ARL6: variants seen among roughly 807,000 people sequenced by gnomAD.
ARL6 encodes ADP-ribosylation factor-like protein 6.
ARL6 carries 18 observed loss-of-function variants against 27.1 expected under a neutral mutation model. The ratio of observed to expected loss-of-function variants is 0.66; its 90% CI spans 0.46 to 0.98. ARL6 has a LOEUF of 0.98. ARL6 is among the 50% of genes least tolerant of loss of function. The pLI is 0.00. For missense variants in ARL6, 187 were observed against 214.9 expected, an observed-to-expected ratio of 0.87 and a Z score of 0.81; for synonymous variants, 65 against 72.3, an observed-to-expected ratio of 0.90 and a Z score of 0.51.
chr3:97,773,928 C>T (rs1367832165), intron 2 of ARL6, among the ~76,000 whole-genome samples: 1 of 152,074 alleles, frequency 6.6e-6, no homozygotes, highest in African/African-American at 2.4e-5. Flanking sequence ...GTGGAGTGAC[C>T]CAAACCTTCA....
intron 2 of ARL6, among the ~76,000 whole-genome samples, chr3:97,779,243 G>A (rs2037060673): frequency 6.6e-6 from 1 of 152,088 alleles, no homozygotes; most frequent in Admixed American, 6.5e-5. Flanking sequence ...TCAGTGGCAA[G>A]TTCCTTCCTT....
At position 97,776,200 on chromosome 3, in the gene ARL6, C is replaced by T. The variant is rs2036891338; in HGVS notation, c.124-3959C>T. On this transcript the variant is annotated intron_variant, in intron 2 of 7. Coordinates refer to ENST00000463745, the MANE Select transcript of ARL6 (RefSeq NM_001278293.3). The stretch of plus-strand genomic sequence containing the variant: ...TTCCTCATATAGTGATTTACTTTGT[C>T]TCTTTTTATAGTCTTTGACTTGTAA... Among the ~76,000 whole-genome samples the T allele has an allele frequency of 6.6e-5, 10 of 152,194 alleles. No individual in the cohort carries two copies. The South Asian group carries it at 2.1e-3, about 32-fold the overall frequency.
chr3:97,765,214 GT>G (rs2036319453), intron 1 of ARL6, among the ~76,000 whole-genome samples: 484 of 24,024 alleles, frequency 0.02, 3 homozygotes, highest in African/African-American at 0.08. Context: ...TATTGGGGGT[GT>G]GTGTGTGTGT....
chr3:97,769,473 A>G (rs1300785788), intron 2 of ARL6, among the ~76,000 whole-genome samples: 1 of 152,080 alleles, frequency 6.6e-6, no homozygotes, highest in Non-Finnish European at 1.5e-5. Context: ...CATGCATACA[A>G]TGCATAATAA....
intron 2 of ARL6, among the ~76,000 whole-genome samples, chr3:97,769,759 TC>T (rs1404286985): frequency 2.6e-5 from 4 of 152,040 alleles, no homozygotes; most frequent in Admixed American, 2.6e-4. Flanking sequence ...CTTTTTCAGA[TC>T]CCACAAACAA....
intron 7 of ARL6, among the ~76,000 whole-genome samples, chr3:97,792,177 A>C (rs552097874): frequency 6.6e-6 from 1 of 152,336 alleles, no homozygotes; most frequent in South Asian, 2.1e-4. Flanking sequence ...ACTAAAAATA[A>C]GTCTGAATGA....
At chr3:97,788,348 T>C (rs78402689) in intron 6 of ARL6, among the ~76,000 whole-genome samples, 1,820 of 152,264 alleles carry the variant, frequency 0.012, 25 homozygotes, top group African/African-American at 0.041. Context: ...ACTCTTATAA[T>C]GGAATAACTT....
At chr3:97,773,974 G>A (rs1043053663) in intron 2 of ARL6, among the ~76,000 whole-genome samples, 1 of 152,212 alleles carries the variant, frequency 6.6e-6, no homozygotes, top group Non-Finnish European at 1.5e-5. Flanking sequence ...AGTCCTGCCA[G>A]ATTGGGCTGT....
At chr3:97,783,534 T>A (rs2037303447) in intron 4 of ARL6, among the ~76,000 whole-genome samples, 1 of 151,832 alleles carries the variant, frequency 6.6e-6, no homozygotes, top group Non-Finnish European at 1.5e-5. Context: ...TCGTGATTCC[T>A]TAGAATGAAT....
intron 2 of ARL6, among the ~76,000 whole-genome samples, chr3:97,770,092 T>G (rs2036568507): frequency 6.6e-6 from 1 of 152,082 alleles, no homozygotes; most frequent in Admixed American, 6.6e-5. Context: ...ATTTTTAGTT[T>G]CATGCGGAAA....
chr3:97,784,190 C>T (rs1373234577), intron 4 of ARL6, among the ~76,000 whole-genome samples: 1 of 151,654 alleles, frequency 6.6e-6, no homozygotes, highest in Non-Finnish European at 1.5e-5. Context: ...CCATGCAGTG[C>T]AATAGTTTAG....
intron 1 of ARL6, chr3:97,765,893 A>G (rs1234332458): frequency 6.6e-6 from 1 of 152,256 alleles, no homozygotes; most frequent in East Asian, 1.9e-4. Context: ...AAGTCAACTT[A>G]TGGAAGGAAA....
intron 7 of ARL6, among the ~76,000 whole-genome samples, chr3:97,794,189 G>GTGTA (rs1296724802): frequency 6.7e-6 from 1 of 149,730 alleles, no homozygotes; most frequent in Non-Finnish European, 1.5e-5. Context: ...GTGTGTGTGT[G>GTGTA]TGTGTGTGTG....
At chr3:97,796,213 C>T (rs79500811) in intron 7 of ARL6, among the ~76,000 whole-genome samples, 9 of 151,694 alleles carry the variant, frequency 5.9e-5, no homozygotes, top group South Asian at 2.1e-4. Flanking sequence ...AAAGTGGGTT[C>T]GAGTAAGTAG....
Position 97,787,989 on chromosome 3 carries a change from G to T in ARL6, c.350-1G>T, listed in dbSNP as rs772994902. ...GATGATAATCTTATTTTCTCTTTTA[G>T]ATATTAAACACCGTCGAATTCCAAT... is the stretch of plus-strand genomic sequence containing the variant. On this transcript the variant is annotated splice_acceptor_variant, in intron 5 of 7. Coordinates refer to ENST00000463745, the MANE Select transcript of ARL6 (RefSeq NM_001278293.3). LOFTEE classifies it high-confidence loss of function. 1.2e-6 allele frequency: 2 copies of T among 1,613,050 alleles called. No homozygotes were observed. The highest frequency in any genetic ancestry group is 1.7e-6 in the Non-Finnish European group (2 of 1,179,386).
chr3:97,790,957 C>G (rs2037703135), intron 6 of ARL6, among the ~76,000 whole-genome samples: 1 of 151,972 alleles, frequency 6.6e-6, no homozygotes, highest in Non-Finnish European at 1.5e-5. Flanking sequence ...ATGACTAGAT[C>G]AATGACATGT....
chr3:97,789,997 G>C (rs926151191), intron 6 of ARL6, among the ~76,000 whole-genome samples: 5 of 151,132 alleles, frequency 3.3e-5, no homozygotes, highest in Admixed American at 2.0e-4. Flanking sequence ...TTCAGGGTCT[G>C]ATTGTATTAT....
At chr3:97,789,516 CAA>C (rs1171484211) in intron 6 of ARL6, among the ~76,000 whole-genome samples, 2 of 151,936 alleles carry the variant, frequency 1.3e-5, no homozygotes, top group Non-Finnish European at 2.9e-5. Flanking sequence ...TTTATTTATT[CAA>C]TTGTGACATC....
At chr3:97,779,399 C>T (rs929380102) in intron 2 of ARL6, among the ~76,000 whole-genome samples, 4 of 152,130 alleles carry the variant, frequency 2.6e-5, no homozygotes, top group African/African-American at 9.7e-5. Flanking sequence ...TCTTCCATGC[C>T]ACCTTCCAGC....
Sources: gnomAD v4.1 joint callset for allele counts (sites outside exome capture counted in the v4.1 genomes callset) on GRCh38, gnomAD v4.1.1 for gene constraint, MANE v1.5 for transcripts, NCBI Gene and HGNC (gene_info 2026-07-23, HGNC 2026-07-21) for gene names.